The following CTNNA3 variants were observed in gnomAD, a reference collection of about 807,000 sequenced individuals.
CTNNA3 encodes catenin alpha-3.
Under a neutral mutation model 95.7 loss-of-function variants are expected in CTNNA3, and 76 were observed. That is an observed-to-expected ratio of 0.79 (90% CI 0.66 to 0.96). The LOEUF is 0.96. Among genes scored for constraint, CTNNA3 ranks in the 40% least tolerant of loss-of-function variants. The pLI, the probability that CTNNA3 is intolerant of heterozygous loss-of-function variation, is 0.00. For missense variants in CTNNA3, 1,191 were observed against 1,089.8 expected (o/e 1.09, Z -1.31); for synonymous variants, 431 against 374.4 (o/e 1.15, Z -1.74).
intron 6 of CTNNA3, among the ~76,000 whole-genome samples, chr10:67,192,189 A>G (rs1439299951): frequency 6.6e-6 from 1 of 152,000 alleles, no homozygotes; most frequent in Non-Finnish European, 1.5e-5. Context: ...GTCTTTTTAG[A>G]TGACACCAAA....
chr10:67,323,575 T>C (rs1841415775), intron 5 of CTNNA3, among the ~76,000 whole-genome samples: 1 of 152,214 alleles, frequency 6.6e-6, no homozygotes, highest in African/African-American at 2.4e-5. Flanking sequence ...CTGGTCTATG[T>C]GTCTGTTCTT....
chr10:67,069,594 C>A (rs1856320606), intron 7 of CTNNA3, among the ~76,000 whole-genome samples: 1 of 141,302 alleles, frequency 7.1e-6, no homozygotes, highest in African/African-American at 2.8e-5. Context: ...CCAGTCCCTG[C>A]CCAGAGTAAA....
chr10:66,182,945 GA>G (rs2086132790), intron 13 of CTNNA3, among the ~76,000 whole-genome samples: 1 of 152,182 alleles, frequency 6.6e-6, no homozygotes, highest in Non-Finnish European at 1.5e-5. Context: ...ACACTGTGAT[GA>G]AATGGACTCT....
chr10:66,126,681 A>G (rs2082842037), intron 13 of CTNNA3, among the ~76,000 whole-genome samples: 1 of 152,222 alleles, frequency 6.6e-6, no homozygotes, highest in South Asian at 2.1e-4. Flanking sequence ...GTACACACTG[A>G]AAGAGTTGTC....
intron 9 of CTNNA3, among the ~76,000 whole-genome samples, chr10:66,721,466 C>T (rs1303063182): frequency 6.6e-6 from 1 of 152,108 alleles, no homozygotes; most frequent in Non-Finnish European, 1.5e-5. Flanking sequence ...ATAGCCTCAA[C>T]ATCATTTTAC....
intron 7 of CTNNA3, among the ~76,000 whole-genome samples, chr10:67,110,198 C>G (rs935230006): frequency 2.0e-5 from 3 of 152,118 alleles, no homozygotes; most frequent in Non-Finnish European, 2.9e-5. Context: ...CTAAAACACC[C>G]TTAATGTGAA....
chr10:66,764,597 C>T (rs1386221864), intron 9 of CTNNA3, among the ~76,000 whole-genome samples: 1 of 152,136 alleles, frequency 6.6e-6, no homozygotes. Flanking sequence ...CCAAGTTTTG[C>T]TTTCAGAGGA....
At chr10:66,207,470 T>A (rs1375324684) in intron 13 of CTNNA3, among the ~76,000 whole-genome samples, 2 of 152,026 alleles carry the variant, frequency 1.3e-5, no homozygotes, top group Non-Finnish European at 2.9e-5. Flanking sequence ...ATGTTTGAGA[T>A]ATCCGCAATA....
At chr10:67,337,663 T>C (rs1842042779) in intron 5 of CTNNA3, among the ~76,000 whole-genome samples, 1 of 152,186 alleles carries the variant, frequency 6.6e-6, no homozygotes, top group South Asian at 2.1e-4. Flanking sequence ...AACTTCATTG[T>C]GGCCTTATTT....
At chr10:67,649,488 A>C (rs1839816134) in intron 1 of CTNNA3, among the ~76,000 whole-genome samples, 1 of 152,214 alleles carries the variant, frequency 6.6e-6, no homozygotes, top group Admixed American at 6.5e-5. Context: ...GTCTGTGTTC[A>C]TGTCTTTAAC....
At chr10:66,080,284 T>C (rs1020326094) in intron 14 of CTNNA3, among the ~76,000 whole-genome samples, 4 of 152,096 alleles carry the variant, frequency 2.6e-5, no homozygotes, top group African/African-American at 9.7e-5. Flanking sequence ...TCCATTATAG[T>C]AACCCAACAT....
chr10:65,948,540 G>T (rs2077560298), intron 17 of CTNNA3, among the ~76,000 whole-genome samples: 1 of 148,612 alleles, frequency 6.7e-6, no homozygotes, highest in African/African-American at 2.5e-5. Context: ...CCCTATGGTT[G>T]TCAGTGTTTT....
intron 10 of CTNNA3, among the ~76,000 whole-genome samples, chr10:66,580,537 G>A (rs1458968705): frequency 6.6e-6 from 1 of 151,704 alleles, no homozygotes; most frequent in Non-Finnish European, 1.5e-5. Flanking sequence ...ATCTTTGTAA[G>A]ATAATTCTAA....
intron 7 of CTNNA3, among the ~76,000 whole-genome samples, chr10:66,919,962 G>A (rs757808468): frequency 1.6e-4 from 25 of 152,098 alleles, no homozygotes; most frequent in Admixed American, 6.5e-5. Context: ...CTTTATAAGC[G>A]AATACACAGA....
intron 1 of CTNNA3, among the ~76,000 whole-genome samples, chr10:67,716,221 C>T (rs1841141922): frequency 6.6e-6 from 1 of 152,108 alleles, no homozygotes; most frequent in Admixed American, 6.5e-5. Context: ...CAGAGATTTT[C>T]AGGTATCCCT....
intron 1 of CTNNA3, among the ~76,000 whole-genome samples, chr10:67,734,829 G>C (rs921032738): frequency 6.6e-6 from 1 of 152,102 alleles, no homozygotes; most frequent in Admixed American, 6.5e-5. Flanking sequence ...TATAACCATG[G>C]AGAATTATAA....
chr10:67,082,176 T>A (rs1448907560), intron 7 of CTNNA3, among the ~76,000 whole-genome samples: 1 of 152,194 alleles, frequency 6.6e-6, no homozygotes, highest in Non-Finnish European at 1.5e-5. Flanking sequence ...ACATTTTAAT[T>A]AAAAATTGGA....
At chr10:67,540,855 A>T (rs1840663005) in intron 3 of CTNNA3, among the ~76,000 whole-genome samples, 1 of 151,954 alleles carries the variant, frequency 6.6e-6, no homozygotes, top group South Asian at 2.1e-4. Flanking sequence ...AATATAGCAC[A>T]GTAATTAACA....
intron 1 of CTNNA3, among the ~76,000 whole-genome samples, chr10:67,684,138 G>A (rs1840682949): frequency 6.6e-6 from 1 of 152,166 alleles, no homozygotes; most frequent in African/African-American, 2.4e-5. Context: ...ATTTTACAGA[G>A]CGCTGATTGG....
Sources: gnomAD v4.1 joint callset for allele counts (sites outside exome capture counted in the v4.1 genomes callset) on GRCh38, gnomAD v4.1.1 for gene constraint, MANE v1.5 for transcripts, NCBI Gene and HGNC (gene_info 2026-07-23, HGNC 2026-07-21) for gene names.